DLG2: variants seen among roughly 807,000 people sequenced by gnomAD.
DLG2 encodes the protein disks large homolog 2.
Under a neutral mutation model 132.5 loss-of-function variants are expected in DLG2, and 45 were observed. The observed-to-expected ratio is 0.34, with a 90% CI of 0.27 to 0.44. The LOEUF (loss-of-function observed/expected upper bound fraction) is 0.44. DLG2 is among the 20% of genes least tolerant of loss of function. The probability of loss-of-function intolerance (pLI) is 1.00; values close to 1 mark genes in which losing one functional copy is unlikely to be tolerated. For missense variants in DLG2, 1,045 were observed against 1,196.9 expected (o/e 0.87, Z 1.87); for synonymous variants, 424 against 419.6 (o/e 1.01, Z -0.13).
At chr11:83,958,290 T>C (rs1397596577) in intron 14 of DLG2, among the ~76,000 whole-genome samples, 1 of 152,212 alleles carries the variant, frequency 6.6e-6, no homozygotes, top group Non-Finnish European at 1.5e-5. Context: ...GTTCAGTAAG[T>C]GACAGAGTCA....
At chr11:85,484,418 T>C (rs1177331805) in intron 3 of DLG2, among the ~76,000 whole-genome samples, 2 of 150,728 alleles carry the variant, frequency 1.3e-5, no homozygotes, top group East Asian at 3.9e-4. Flanking sequence ...ACAGGCAACC[T>C]ACAAAATGGG....
At chr11:84,177,613 T>A (rs76855859) in intron 8 of DLG2, among the ~76,000 whole-genome samples, 1 of 152,256 alleles carries the variant, frequency 6.6e-6, no homozygotes, top group Middle Eastern at 3.4e-3. Flanking sequence ...ATAAATGAAG[T>A]AGGAAGTAAA....
chr11:84,358,894 C>T (rs2098633678), intron 7 of DLG2, among the ~76,000 whole-genome samples: 1 of 151,906 alleles, frequency 6.6e-6, no homozygotes, highest in Non-Finnish European at 1.5e-5. Context: ...AGCAACTTAT[C>T]CAAGGCCATG....
chr11:85,158,958 A>G (rs553059030), intron 4 of DLG2, among the ~76,000 whole-genome samples: 1 of 152,294 alleles, frequency 6.6e-6, no homozygotes, highest in South Asian at 2.1e-4. Flanking sequence ...GAGTCAGTTT[A>G]CAGACCCAGA....
chr11:84,790,506 T>A lies in DLG2; in HGVS notation c.358-255775A>T, dbSNP rs12294566. Among the ~76,000 whole-genome samples, 778 of 152,348 alleles carry A rather than the reference T, an allele frequency of 5.1e-3. 8 individuals carry two copies. Among genetic ancestry groups the A allele is most frequent in the African/African-American group, 0.018 (743 of 41,576 alleles). On this transcript the variant is annotated intron_variant, in intron 6 of 27. Transcript: ENST00000376104. ...ATTAATATCTTGTTAGATGTGTAGT[T>A]TGCAAATATTTTCTCCCATTCTGTG...
chr11:84,511,240 AT>A (rs1314103978), intron 7 of DLG2, among the ~76,000 whole-genome samples: 1 of 152,036 alleles, frequency 6.6e-6, no homozygotes, highest in African/African-American at 2.4e-5. Context: ...CTTTCATAAT[AT>A]TTTATTCTTA....
intron 6 of DLG2, among the ~76,000 whole-genome samples, chr11:84,974,754 G>C (rs918654860): frequency 1.3e-5 from 2 of 152,170 alleles, no homozygotes; most frequent in Admixed American, 6.5e-5. Flanking sequence ...CAGATTTAGT[G>C]AATCAGAAAC....
At chr11:85,207,738 A>G (rs1392863660) in intron 4 of DLG2, among the ~76,000 whole-genome samples, 1 of 152,112 alleles carries the variant, frequency 6.6e-6, no homozygotes, top group Admixed American at 6.6e-5. Context: ...AGATATTTAT[A>G]TATGGGGTGG....
At chr11:84,548,371 T>C (rs2099394652) in intron 6 of DLG2, among the ~76,000 whole-genome samples, 1 of 152,170 alleles carries the variant, frequency 6.6e-6, no homozygotes, top group Non-Finnish European at 1.5e-5. Flanking sequence ...GTTGGTGTGC[T>C]GCACCCAGTA....
chr11:85,562,095 G>A (rs929735845), intron 3 of DLG2, among the ~76,000 whole-genome samples: 1 of 151,626 alleles, frequency 6.6e-6, no homozygotes, highest in African/African-American at 2.4e-5. Context: ...GCTTGAAAAA[G>A]GAACTGTACC....
chr11:83,631,909 G>A (rs2063631110), intron 19 of DLG2: 1 of 152,178 alleles, frequency 6.6e-6, no homozygotes. Context: ...CAAGAGAGAA[G>A]AAGAACCACA....
chr11:83,639,562 A>C (rs917945302), intron 18 of DLG2, among the ~76,000 whole-genome samples: 8 of 150,462 alleles, frequency 5.3e-5, no homozygotes, highest in Non-Finnish European at 1.2e-4. Flanking sequence ...AACAATGAGA[A>C]CACATGGACA....
chr11:84,190,090 C>T (rs2096375384), intron 8 of DLG2, among the ~76,000 whole-genome samples: 1 of 151,264 alleles, frequency 6.6e-6, no homozygotes, highest in African/African-American at 2.4e-5. Context: ...ATAGAAGACA[C>T]ATATAGCCCT....
chr11:84,055,457 A>G (rs953917122), intron 11 of DLG2, among the ~76,000 whole-genome samples: 23 of 152,152 alleles, frequency 1.5e-4, no homozygotes, highest in African/African-American at 5.3e-4. Context: ...TATAAACACA[A>G]ATCTTCAAAT....
intron 3 of DLG2, among the ~76,000 whole-genome samples, chr11:85,501,603 G>A (rs1180988170): frequency 6.6e-6 from 1 of 152,114 alleles, no homozygotes; most frequent in Non-Finnish European, 1.5e-5. Context: ...CAAAAAATGG[G>A]CAAAGGATAT....
chr11:84,490,151 A>G (rs888502135), intron 7 of DLG2, among the ~76,000 whole-genome samples: 2 of 152,166 alleles, frequency 1.3e-5, no homozygotes, highest in Non-Finnish European at 2.9e-5. Flanking sequence ...CTGGGAAAGG[A>G]AAGTTCCTTA....
intron 6 of DLG2, among the ~76,000 whole-genome samples, chr11:84,907,424 G>C (rs1165153191): frequency 2.0e-5 from 3 of 152,146 alleles, no homozygotes; most frequent in Non-Finnish European, 4.4e-5. Context: ...GAGTCTGTGA[G>C]AGTTTTCCCA....
At chr11:84,195,885 G>A (rs1231493361) in intron 8 of DLG2, among the ~76,000 whole-genome samples, 3 of 152,086 alleles carry the variant, frequency 2.0e-5, no homozygotes, top group Non-Finnish European at 2.9e-5. Flanking sequence ...ATTAAGCTCT[G>A]TAAGTGCAAG....
At chr11:83,482,708 A>G (rs1371977057) in intron 22 of DLG2, among the ~76,000 whole-genome samples, 1 of 152,080 alleles carries the variant, frequency 6.6e-6, no homozygotes. Flanking sequence ...ATAAATAAAT[A>G]CTCATGGAAT....
Sources: allele counts gnomAD v4.1 joint callset (sites outside exome capture counted in the v4.1 genomes callset), GRCh38; gene constraint gnomAD v4.1.1; transcripts MANE v1.5; gene names NCBI Gene and HGNC (gene_info 2026-07-23, HGNC 2026-07-21).